Variants in KANSL1L observed in about 807,000 individuals in gnomAD.
The protein encoded by KANSL1L is KAT8 regulatory NSL complex subunit 1 like, also known as KAT8 regulatory NSL complex subunit 1-like protein.
Under a neutral mutation model 108.6 loss-of-function variants are expected in KANSL1L, and 25 were observed. That is an observed-to-expected ratio of 0.23 (90% CI 0.17 to 0.32). The LOEUF (loss-of-function observed/expected upper bound fraction) is 0.32. Ranked by LOEUF, KANSL1L falls within the 10% of genes least tolerant of loss-of-function variation. The pLI is 1.00. For synonymous variants in KANSL1L, 405 were observed against 395.1 expected, an observed-to-expected ratio of 1.03 and a Z score of -0.30; for missense variants, 1,137 against 1,125.7, an observed-to-expected ratio of 1.01 and a Z score of -0.14.
intron 3 of KANSL1L, among the ~76,000 whole-genome samples, chr2:210,114,113 G>C (rs2094932732): frequency 1.3e-5 from 2 of 151,974 alleles, no homozygotes; most frequent in Admixed American, 1.3e-4. Flanking sequence ...AATCCAAAGA[G>C]TACTACAAAG....
chr2:210,085,906 T>C (rs1188367685), intron 5 of KANSL1L, among the ~76,000 whole-genome samples: 1 of 149,648 alleles, frequency 6.7e-6, no homozygotes, highest in African/African-American at 2.4e-5. Context: ...TATATATTTA[T>C]TGTAATTAAA....
In KANSL1L at chr2:210,153,905, A is replaced by G. The variant is rs753467435; in HGVS notation, c.678T>C (p.His226=). Residue 226 remains histidine, a synonymous_variant, in exon 2 of 15, where the codon CAT becomes CAC. Coordinates refer to ENST00000281772, the MANE Select transcript of KANSL1L (RefSeq NM_152519.4). ...GTAAAATTTTCTGTTTGCTTACACA[A>G]TGAAGTAAACGAGCATGTACTTCCT... is the stretch of plus-strand genomic sequence containing the variant. The part of the protein sequence containing the change: ...KEEEVHARLL[H]CVSKQKILLS... 6.2e-6 allele frequency: 10 copies of G among 1,613,208 alleles called. No individual in the cohort carries two copies. In the South Asian group the frequency reaches 9.9e-5, roughly 16 times the overall value.
upstream of KANSL1L, chr2:210,171,869 A>G (rs1688361943): frequency 6.6e-6 from 1 of 152,144 alleles, no homozygotes; most frequent in African/African-American, 2.4e-5. Flanking sequence ...CAAGTCCGCA[A>G]GTCTCCGTGC....
At chr2:210,097,602 G>C (rs2094749682) in intron 5 of KANSL1L, among the ~76,000 whole-genome samples, 3 of 152,014 alleles carry the variant, frequency 2.0e-5, no homozygotes, top group African/African-American at 7.2e-5. Flanking sequence ...GTTTATAGGA[G>C]TTATTAATTA....
intron 6 of KANSL1L, among the ~76,000 whole-genome samples, chr2:210,059,851 C>T (rs1216740100): frequency 1.3e-4 from 20 of 152,056 alleles, no homozygotes; most frequent in Admixed American, 1.3e-3. Context: ...AAGCGATTCT[C>T]CTGCCTCAGC....
In KANSL1L at chr2:210,028,896, A is replaced by G. The variant is rs755154651; in HGVS notation, c.2345T>C (p.Val782Ala). The G allele has an allele frequency of 2.5e-6, 4 of 1,601,210 alleles. No homozygotes were observed. Among genetic ancestry groups the G allele is most frequent in the East Asian group, 2.2e-5 (1 of 44,710 alleles). ...GAGTTTCTCTAATTTAGCTGGGGCTACTAATGACATGGGAATCACAATGTT... is the reference window on the plus strand; with the variant it reads ...GAGTTTCTCTAATTTAGCTGGGGCTGCTAATGACATGGGAATCACAATGTT... ...IDNIVIPMSL[V>A]APAKLEKLQY... The change falls in exon 11 of 15, where the codon GTA becomes GCA. Residue 782 changes from valine to alanine, a missense_variant. Physicochemically the swap from Val to Ala is moderately conservative, Grantham distance 64 (BLOSUM62 0). Transcript: ENST00000281772.
chr2:210,105,372 A>T (rs943694048), intron 3 of KANSL1L, among the ~76,000 whole-genome samples: 1 of 145,780 alleles, frequency 6.9e-6, no homozygotes, highest in Non-Finnish European at 1.5e-5. Flanking sequence ...TATTTGAAAA[A>T]AAATATATAT....
In KANSL1L at chr2:210,082,863, T is replaced by C. The variant is rs186336700; in HGVS notation, c.1551-7107A>G. Among the ~76,000 whole-genome samples, 18 of 152,292 alleles carry C rather than the reference T, an allele frequency of 1.2e-4. No homozygotes were observed. The East Asian group carries it at 2.7e-3, about 23-fold the overall frequency. On this transcript the variant is annotated intron_variant, in intron 5 of 14. Coordinates refer to ENST00000281772, the MANE Select transcript of KANSL1L (RefSeq NM_152519.4). ...ACAGAGATTATGATAGTTTCCTAGG[T>C]GTCCCCCTCCACCCATAAAACTATA...
rs747602256 is a variant in KANSL1L at position 210,154,488 on chromosome 2, C to A, written c.95G>T (p.Ser32Ile). The A allele has an allele frequency of 1.9e-6, 3 of 1,611,818 alleles. No individual in the cohort carries two copies. Among genetic ancestry groups the A allele is most frequent in the Non-Finnish European group, 2.5e-6 (3 of 1,179,016 alleles). The change falls in exon 2 of 15, where the codon AGT becomes ATT. Residue 32 changes from serine (S) to isoleucine (I), a missense_variant. Ser to Ile is a moderately radical substitution (Grantham distance 142). Transcript: ENST00000281772. ...TAGCTTTTCATCTACAGTTCTGGGA[C>A]TTTCCATGTAGAGCATCTTGTCAGA... ...MESDKMLYME[S>I]PRTVDEKLKG...
chr2:210,051,408 C>CAT (rs142755486), intron 6 of KANSL1L, among the ~76,000 whole-genome samples: 24 of 151,254 alleles, frequency 1.6e-4, no homozygotes, highest in African/African-American at 3.4e-4. Flanking sequence ...CCATAGTAGT[C>CAT]ATATATATAT....
intron 3 of KANSL1L, among the ~76,000 whole-genome samples, chr2:210,115,304 G>A (rs2094943782): frequency 6.6e-6 from 1 of 151,906 alleles, no homozygotes; most frequent in Non-Finnish European, 1.5e-5. Flanking sequence ...GAGAGATAAG[G>A]ACATTATATA....
At chr2:210,156,884 C>T (rs1200547563) in intron 1 of KANSL1L, among the ~76,000 whole-genome samples, 1 of 151,448 alleles carries the variant, frequency 6.6e-6, no homozygotes, top group Admixed American at 6.6e-5. Flanking sequence ...TGTATAATGT[C>T]TCAAAATGTA....
intron 11 of KANSL1L, chr2:210,028,523 T>C (rs1332449452): frequency 1.2e-5 from 2 of 170,210 alleles, no homozygotes; most frequent in African/African-American, 4.8e-5. Flanking sequence ...GCAAGGATTA[T>C]TTGTTGCTAT....
At chr2:210,167,353 G>A (rs1266608714) in intron 1 of KANSL1L, among the ~76,000 whole-genome samples, 1 of 151,930 alleles carries the variant, frequency 6.6e-6, no homozygotes, top group South Asian at 2.1e-4. Context: ...GCCTAAAAAG[G>A]AATTCTCTTT....
chr2:210,162,222 G>GTATATATATATATACATATATATA, intron 1 of KANSL1L, among the ~76,000 whole-genome samples: 1 of 107,472 alleles, frequency 9.3e-6, no homozygotes, highest in African/African-American at 3.5e-5. Flanking sequence ...AGTGGTTCAG[G>GTATATATATATATACATATATATA]TATATATATA....
At chr2:210,047,270 C>T (rs1459656460) in intron 6 of KANSL1L, among the ~76,000 whole-genome samples, 3 of 152,176 alleles carry the variant, frequency 2.0e-5, no homozygotes, top group Non-Finnish European at 4.4e-5. Flanking sequence ...CTTTTAAGTT[C>T]TGCTTTCTTT....
chr2:210,168,501 T>A (rs1688124044), intron 1 of KANSL1L, among the ~76,000 whole-genome samples: 1 of 152,114 alleles, frequency 6.6e-6, no homozygotes, highest in Non-Finnish European at 1.5e-5. Context: ...ATAGCAGGCA[T>A]CATTTTTTGT....
chr2:210,022,800 C>A lies in KANSL1L; in HGVS notation c.*149G>T. On this transcript the variant is annotated 3_prime_UTR_variant, in exon 15 of 15. Transcript: ENST00000281772. Reference sequence around the variant, plus strand: ...ACCCTTATGGTTCCAGAAGGAAAAACAGACTTATCTTGCCTGTTTCATAAA... The same window carrying A: ...ACCCTTATGGTTCCAGAAGGAAAAAAAGACTTATCTTGCCTGTTTCATAAA... The A allele has an allele frequency of 1.6e-6, 1 of 619,922 alleles. No individual in the cohort carries two copies. Among genetic ancestry groups the A allele is most frequent in the Non-Finnish European group, 2.8e-6 (1 of 359,632 alleles). 38.4% of individuals were successfully genotyped at this position (619,922 alleles called of 1,614,324 possible).
intron 3 of KANSL1L, among the ~76,000 whole-genome samples, chr2:210,110,864 G>A (rs746005623): frequency 1.9e-4 from 29 of 152,088 alleles, no homozygotes; most frequent in Admixed American, 1.4e-3. Context: ...TTAAGAGGCT[G>A]AGGCTAAGAA....
Sources: allele counts gnomAD v4.1 joint callset (sites outside exome capture counted in the v4.1 genomes callset), GRCh38; gene constraint gnomAD v4.1.1; transcripts MANE v1.5; gene names NCBI Gene and HGNC (gene_info 2026-07-23, HGNC 2026-07-21).